MAGI1: variants seen among roughly 807,000 people sequenced by gnomAD.
The protein encoded by MAGI1 is membrane-associated guanylate kinase, WW and PDZ domain-containing protein 1.
MAGI1 carries 58 observed loss-of-function variants against 139.9 expected under a neutral mutation model. That is an observed-to-expected ratio of 0.41 (90% confidence interval 0.34 to 0.52). MAGI1 has a LOEUF of 0.52. MAGI1 is among the 20% of genes least tolerant of loss of function. The pLI is 0.12. For synonymous variants in MAGI1, 812 were observed against 737.9 expected (o/e 1.10, Z -1.63); for missense variants, 1,874 against 1,901.6 (o/e 0.99, Z 0.27).
At position 65,380,531 on chromosome 3, in the gene MAGI1, A is replaced by G. The variant is rs1279660638; in HGVS notation, c.2702-977T>C. 2.6e-5 allele frequency among the ~76,000 whole-genome samples: 4 copies of G among 151,960 alleles called. No homozygotes were observed. In the South Asian group the frequency reaches 8.3e-4, roughly 32 times the overall value. On this transcript the variant is annotated intron_variant, in intron 16 of 22. Transcript: ENST00000402939. ...CCCCTTCCTATTTCCTCCACCCCCC[A>G]CCAACCATCATTCTGCTTTCTATCT...
intron 1 of MAGI1, among the ~76,000 whole-genome samples, chr3:65,869,068 C>T (rs1366711802): frequency 6.6e-6 from 1 of 151,784 alleles, no homozygotes; most frequent in Non-Finnish European, 1.5e-5. Flanking sequence ...GAGATCGAGA[C>T]CACGGCGAAA....
At chr3:65,782,847 C>G (rs1039644122) in intron 1 of MAGI1, among the ~76,000 whole-genome samples, 5 of 151,142 alleles carry the variant, frequency 3.3e-5, no homozygotes, top group Middle Eastern at 3.4e-3. Flanking sequence ...ACTGGGCCAT[C>G]TGTGAAAAGT....
chr3:66,031,196 T>A (rs2068572576), intron 1 of MAGI1, among the ~76,000 whole-genome samples: 1 of 152,180 alleles, frequency 6.6e-6, no homozygotes, highest in African/African-American at 2.4e-5. Flanking sequence ...CCTTAACGAA[T>A]TTGACAGCCT....
At chr3:65,363,699 A>C in intron 20 of MAGI1, 91 bp from the exon 21 acceptor site, 1 of 1,060,234 alleles carries the variant, frequency 9.4e-7, no homozygotes. Context: ...CACAATCTCT[A>C]TCCCCCTCTT....
chr3:65,727,419 G>A (rs1226410616), intron 1 of MAGI1, among the ~76,000 whole-genome samples: 1 of 152,072 alleles, frequency 6.6e-6, no homozygotes, highest in Non-Finnish European at 1.5e-5. Flanking sequence ...TTTTTGAGGT[G>A]GGGTCTTGCT....
At chr3:65,400,799 A>T (rs1379846051) in intron 13 of MAGI1, among the ~76,000 whole-genome samples, 3 of 116,310 alleles carry the variant, frequency 2.6e-5, no homozygotes, top group East Asian at 2.4e-4. Context: ...TAAGAATCCT[A>T]TACCTGCAGC....
rs1230007365 is a variant in MAGI1, at chr3:65,384,416, AGAT to A, written c.2417-796_2417-794del. On this transcript the variant is annotated intron_variant, in intron 14 of 22. Coordinates refer to ENST00000402939, the MANE Select transcript of MAGI1 (RefSeq NM_001033057.2). ...ATTTACATGGCATTTGCATTGTATT[AGAT>A]GTCATAAGTAATGTAGAGATGATTT... is the stretch of plus-strand genomic sequence containing the variant. Among the ~76,000 whole-genome samples the A allele has an allele frequency of 1.1e-4, 16 of 152,310 alleles. No homozygotes were observed. The East Asian group carries it at 3.1e-3, about 29-fold the overall frequency.
intron 22 of MAGI1, chr3:65,360,489 T>C (rs1414965338): frequency 1.0e-6 from 1 of 985,182 alleles, no homozygotes; most frequent in Non-Finnish European, 1.2e-6. Context: ...TCTAAAGATA[T>C]GACAAAGGAA....
intron 2 of MAGI1, among the ~76,000 whole-genome samples, chr3:65,573,916 G>A (rs147316757): frequency 8.9e-4 from 135 of 152,144 alleles, no homozygotes; most frequent in Admixed American, 1.2e-3. Flanking sequence ...ATCTACAGCT[G>A]CTTTCACCCT....
At chr3:65,516,970 C>T (rs553912643) in intron 2 of MAGI1, among the ~76,000 whole-genome samples, 32 of 151,466 alleles carry the variant, frequency 2.1e-4, no homozygotes, top group Non-Finnish European at 3.2e-4. Flanking sequence ...CCTCGTGATC[C>T]GCCCGCCTCG....
At chr3:65,719,122 G>A (rs946871012) in intron 1 of MAGI1, among the ~76,000 whole-genome samples, 2 of 151,214 alleles carry the variant, frequency 1.3e-5, no homozygotes, top group Non-Finnish European at 2.9e-5. Flanking sequence ...AAAACATTGT[G>A]TATTAATAAC....
intron 1 of MAGI1, among the ~76,000 whole-genome samples, chr3:66,028,169 G>A (rs564412953): frequency 6.6e-5 from 10 of 152,086 alleles, no homozygotes; most frequent in Non-Finnish European, 1.5e-4. Flanking sequence ...GGTGTGGTGG[G>A]TGCATGCCTG....
intron 1 of MAGI1, among the ~76,000 whole-genome samples, chr3:65,869,670 A>G (rs542385809): frequency 1.4e-4 from 21 of 152,054 alleles, no homozygotes; most frequent in Admixed American, 3.9e-4. Context: ...AAAGTGCTGG[A>G]ATTACAGGAG....
chr3:65,843,081 C>T (rs2058862838), intron 1 of MAGI1, among the ~76,000 whole-genome samples: 1 of 152,176 alleles, frequency 6.6e-6, no homozygotes, highest in Non-Finnish European at 1.5e-5. Context: ...CTTTTCTCTC[C>T]ATAAATGTAG....
intron 2 of MAGI1, among the ~76,000 whole-genome samples, chr3:65,522,946 C>T (rs1414172946): frequency 2.6e-5 from 4 of 152,144 alleles, no homozygotes; most frequent in East Asian, 1.9e-4. Flanking sequence ...TCACTTCCTC[C>T]AGGAACCTTG....
intron 2 of MAGI1, among the ~76,000 whole-genome samples, chr3:65,614,939 T>G: frequency 6.6e-6 from 1 of 151,796 alleles, no homozygotes; most frequent in Middle Eastern, 3.2e-3. Context: ...GGAGGATCAC[T>G]TGAGCCCAGG....
chr3:65,893,216 G>T (rs1394319169), intron 1 of MAGI1, among the ~76,000 whole-genome samples: 2 of 151,574 alleles, frequency 1.3e-5, no homozygotes, highest in African/African-American at 4.8e-5. Context: ...CCTCTAATTG[G>T]AGTCATTAGT....
chr3:65,824,795 A>G (rs1575616434), intron 1 of MAGI1, among the ~76,000 whole-genome samples: 4 of 152,206 alleles, frequency 2.6e-5, no homozygotes, highest in Admixed American at 1.3e-4. Context: ...CAATAATTTA[A>G]CCTCTTAGTA....
chr3:65,800,599 A>G (rs2040453685), intron 1 of MAGI1, among the ~76,000 whole-genome samples: 1 of 151,376 alleles, frequency 6.6e-6, no homozygotes, highest in African/African-American at 2.4e-5. Flanking sequence ...CCAATAAGAT[A>G]TGAACTCCCA....
Sources: gnomAD v4.1 joint callset for allele counts (sites outside exome capture counted in the v4.1 genomes callset) on GRCh38, gnomAD v4.1.1 for gene constraint, MANE v1.5 for transcripts, NCBI Gene and HGNC (gene_info 2026-07-23, HGNC 2026-07-21) for gene names.